Variants in WNK3 observed in about 807,000 individuals in gnomAD.
WNK3 encodes serine/threonine-protein kinase WNK3.
Under a neutral mutation model 116.7 loss-of-function variants are expected in WNK3, and 18 were observed. The ratio of observed to expected loss-of-function variants is 0.15; its 90% CI spans 0.11 to 0.23. The LOEUF is 0.23. Ranked by LOEUF, WNK3 falls within the 10% of genes least tolerant of loss-of-function variation. The pLI is 1.00. For missense variants in WNK3, 993 were observed against 1,323.8 expected (o/e 0.75, Z 3.88); for synonymous variants, 404 against 469.4 (o/e 0.86, Z 1.80).
At chrX:54,302,647 A>T (rs1045018620) in intron 5 of WNK3, among the ~76,000 whole-genome samples, 1 of 104,392 alleles carries the variant, frequency 9.6e-6, no homozygotes, top group Non-Finnish European at 2.0e-5. Flanking sequence ...ATGCTATTTT[A>T]AAAAACTTTT....
chrX:54,226,227 T>C lies in WNK3; in HGVS notation c.4870+2487A>G, dbSNP rs781818323. Among the ~76,000 whole-genome samples the C allele has an allele frequency of 5.5e-5, 6 of 109,980 alleles. No homozygotes were observed. The East Asian group carries it at 1.4e-3, about 26-fold the overall frequency. ...GCTCAGGCCTGTAATCCCAGCACTT[T>C]GGGAGGCCGAAGCGGGTGGAACACC... is the stretch of plus-strand genomic sequence containing the variant. On this transcript the variant is annotated intron_variant, in intron 22 of 23. Transcript: ENST00000354646.
intron 10 of WNK3, among the ~76,000 whole-genome samples, chrX:54,282,174 G>A (rs1422990864): frequency 1.8e-5 from 2 of 109,401 alleles, no homozygotes; most frequent in African/African-American, 6.7e-5. Context: ...TGAGTAGCTG[G>A]GACTATGGGG....
At chrX:54,237,501 T>C in exon 20 of WNK3, 2 of 1,178,649 alleles carry the variant, frequency 1.7e-6, no homozygotes, top group Non-Finnish European at 2.3e-6. Flanking sequence ...ATATGTGTTC[T>C]ATTCCAAAAG....
chrX:54,351,040 T>C (rs1425196272), intron 1 of WNK3, among the ~76,000 whole-genome samples: 1 of 110,963 alleles, frequency 9.0e-6, no homozygotes, highest in African/African-American at 3.3e-5. Context: ...AATGTACTCA[T>C]ATATGGGTGA....
chrX:54,233,241 A>T (rs2146853238), intron 20 of WNK3, among the ~76,000 whole-genome samples: 1 of 104,269 alleles, frequency 9.6e-6, no homozygotes, highest in East Asian at 3.0e-4. Context: ...CCTGGGTAAC[A>T]TAGGGTGACC....
intron 22 of WNK3, among the ~76,000 whole-genome samples, chrX:54,219,471 G>T (rs1407505541): frequency 1.8e-5 from 2 of 109,159 alleles, no homozygotes; most frequent in Admixed American, 2.0e-4. Flanking sequence ...CTTGAGGTCA[G>T]GAGTTCGAGA....
chrX:54,282,000 G>GC (rs2068521870), intron 10 of WNK3, among the ~76,000 whole-genome samples: 1 of 97,068 alleles, frequency 1.0e-5, no homozygotes, highest in Non-Finnish European at 2.0e-5. Context: ...TTGTATCATA[G>GC]TTTTTTTTTT....
chrX:54,247,871 G>A, intron 17 of WNK3, among the ~76,000 whole-genome samples: 1 of 111,308 alleles, frequency 9.0e-6, no homozygotes, highest in African/African-American at 3.3e-5. Context: ...AGAAGAATAA[G>A]CATCAAATTA....
chrX:54,213,207 A>G (rs2067636676), intron 22 of WNK3, among the ~76,000 whole-genome samples: 1 of 108,705 alleles, frequency 9.2e-6, no homozygotes, highest in South Asian at 4.0e-4. Context: ...GGTGGTCTTG[A>G]AATCCTGGGC....
chrX:54,293,560 TA>T (rs2068664126), intron 8 of WNK3, among the ~76,000 whole-genome samples: 1 of 112,028 alleles, frequency 8.9e-6, no homozygotes, highest in Non-Finnish European at 1.9e-5. Flanking sequence ...AAAGCCAACC[TA>T]AAAACAGAGA....
chrX:54,351,786 C>A (rs1412680846), intron 1 of WNK3, among the ~76,000 whole-genome samples: 1 of 111,035 alleles, frequency 9.0e-6, no homozygotes, highest in Non-Finnish European at 1.9e-5. Flanking sequence ...GTGGCACGCA[C>A]CTGTAGTCCC....
chrX:54,205,908 T>C (rs782708550), intron 22 of WNK3, among the ~76,000 whole-genome samples: 1 of 111,817 alleles, frequency 8.9e-6, no homozygotes, highest in African/African-American at 3.2e-5. Flanking sequence ...TTCTTATTGA[T>C]GAAATGAATA....
At chrX:54,343,134 A>G (rs965324433) in intron 1 of WNK3, among the ~76,000 whole-genome samples, 1 of 110,697 alleles carries the variant, frequency 9.0e-6, no homozygotes, top group Non-Finnish European at 1.9e-5. Context: ...TATAGGCATG[A>G]GTCACCATGC....
intron 10 of WNK3, among the ~76,000 whole-genome samples, chrX:54,280,228 C>T (rs1557162027): frequency 9.2e-6 from 1 of 108,595 alleles, no homozygotes; most frequent in African/African-American, 3.4e-5. Context: ...ACCCGGGGAG[C>T]GGAGATTGCA....
intron 22 of WNK3, among the ~76,000 whole-genome samples, chrX:54,218,740 C>A (rs2067727977): frequency 1.8e-5 from 2 of 109,337 alleles, no homozygotes; most frequent in African/African-American, 6.7e-5. Flanking sequence ...AAAAATTAGC[C>A]GGGTGTGGTG....
Position 54,283,629 on chromosome X carries a change from C to T in WNK3, c.2037+9259G>A, listed in dbSNP as rs782237632. Among the ~76,000 whole-genome samples the T allele has an allele frequency of 4.0e-3, 433 of 108,769 alleles. 2 individuals carry two copies. Among genetic ancestry groups the T allele is most frequent in the African/African-American group, 0.012 (364 of 29,997 alleles). The allele number at this position is 108,769 out of a possible 115,157, so 94.5% of individuals were successfully genotyped here. A position where few individuals can be genotyped will look rare whatever the true frequency, so the allele number is the denominator to read the frequency against. ...CTAAAAATACAAAAAATTAGCCGGGCGTGGTGGCAGGCGCCTGTAGTCCCA... is the reference window on the plus strand; with the variant it reads ...CTAAAAATACAAAAAATTAGCCGGGTGTGGTGGCAGGCGCCTGTAGTCCCA... On this transcript the variant is annotated intron_variant, in intron 10 of 23. Transcript: ENST00000354646.
chrX:54,302,004 C>A, intron 5 of WNK3, 145 bp from the exon 6 acceptor site: 1 of 451,301 alleles, frequency 2.2e-6, no homozygotes. Context: ...ATATAGAGAA[C>A]ATAAGTTTAA....
chrX:54,320,947 A>G (rs970229054), intron 2 of WNK3, among the ~76,000 whole-genome samples: 14 of 109,566 alleles, frequency 1.3e-4, no homozygotes, highest in African/African-American at 4.6e-4. Flanking sequence ...CCCAGGCTGG[A>G]GTGCAATGGC....
At chrX:54,228,811 A>G in intron 21 of WNK3, 68 bp from the exon 22 acceptor site, 1 of 452,586 alleles carries the variant, frequency 2.2e-6, no homozygotes, top group Non-Finnish European at 4.0e-6. Context: ...TGAAAACTGT[A>G]AACCAACATA....
Sources: allele counts gnomAD v4.1 joint callset (sites outside exome capture counted in the v4.1 genomes callset), GRCh38; gene constraint gnomAD v4.1.1; transcripts MANE v1.5; gene names NCBI Gene and HGNC (gene_info 2026-07-23, HGNC 2026-07-21).